The following ROBO1 variants were observed in gnomAD, a reference collection of about 807,000 sequenced individuals.
The protein encoded by ROBO1 is roundabout homolog 1.
A neutral mutation model predicts 195.9 loss-of-function variants in ROBO1; 149 were observed. The observed-to-expected ratio is 0.76, with a 90% confidence interval of 0.67 to 0.87. ROBO1 has a LOEUF of 0.87. Ranked by LOEUF, ROBO1 falls within the 40% of genes least tolerant of loss-of-function variation. The pLI is 0.00. For synonymous variants in ROBO1, 816 were observed against 733.2 expected, an observed-to-expected ratio of 1.11 and a Z score of -1.82; for missense variants, 1,933 against 2,068.3, an observed-to-expected ratio of 0.93 and a Z score of 1.27.
At chr3:79,450,114 GA>G (rs1376572484) in intron 2 of ROBO1, among the ~76,000 whole-genome samples, 3 of 131,856 alleles carry the variant, frequency 2.3e-5, no homozygotes, top group East Asian at 4.9e-4. Flanking sequence ...AGTTATTGGG[GA>G]AAAAAAATGA....
intron 1 of ROBO1, among the ~76,000 whole-genome samples, chr3:79,748,525 A>G (rs1560154055): frequency 6.6e-6 from 1 of 152,140 alleles, no homozygotes; most frequent in Non-Finnish European, 1.5e-5. Flanking sequence ...GAAATAAGAG[A>G]TATGTTACCA....
At chr3:79,463,746 T>G (rs11916189) in intron 2 of ROBO1, among the ~76,000 whole-genome samples, 1 of 152,206 alleles carries the variant, frequency 6.6e-6, no homozygotes, top group East Asian at 1.9e-4. Context: ...TTCAAATGTA[T>G]GATATAACAT....
At chr3:79,493,405 T>G (rs186543743) in intron 2 of ROBO1, among the ~76,000 whole-genome samples, 1 of 151,986 alleles carries the variant, frequency 6.6e-6, no homozygotes, top group Non-Finnish European at 1.5e-5. Context: ...AAATTAAAAA[T>G]GATTCATTTA....
intron 3 of ROBO1, among the ~76,000 whole-genome samples, chr3:79,068,329 A>G (rs2079035188): frequency 6.6e-6 from 1 of 151,900 alleles, no homozygotes; most frequent in African/African-American, 2.4e-5. Context: ...TGGATATTGC[A>G]GAAACATAGG....
intron 2 of ROBO1, among the ~76,000 whole-genome samples, chr3:79,433,627 C>T (rs1030437480): frequency 2.0e-5 from 3 of 152,020 alleles, no homozygotes; most frequent in Non-Finnish European, 2.9e-5. Flanking sequence ...CCATACTGCC[C>T]AAGGTAATTT....
intron 4 of ROBO1, among the ~76,000 whole-genome samples, chr3:78,801,845 T>TGATA (rs2084381667): frequency 6.6e-6 from 1 of 152,156 alleles, no homozygotes; most frequent in African/African-American, 2.4e-5. Flanking sequence ...TTTACAAATG[T>TGATA]GATATATAAG....
At chr3:79,041,034 G>A (rs779883418) in intron 3 of ROBO1, among the ~76,000 whole-genome samples, 53 of 151,876 alleles carry the variant, frequency 3.5e-4, no homozygotes, top group Non-Finnish European at 6.8e-4. Context: ...TCCCTACCCT[G>A]CCATTCCCTG....
chr3:78,797,251 G>A (rs748914521), intron 4 of ROBO1, among the ~76,000 whole-genome samples: 1 of 152,124 alleles, frequency 6.6e-6, no homozygotes, highest in Non-Finnish European at 1.5e-5. Flanking sequence ...TTGTTCATTG[G>A]TATATTCCTA....
chr3:79,063,598 C>T (rs1333654805), intron 3 of ROBO1, among the ~76,000 whole-genome samples: 3 of 151,198 alleles, frequency 2.0e-5, no homozygotes, highest in East Asian at 2.0e-4. Flanking sequence ...CCTCATTTTA[C>T]CTGGCCTTTG....
At chr3:78,939,569 G>A (rs1219150006) in intron 3 of ROBO1, among the ~76,000 whole-genome samples, 1 of 150,254 alleles carries the variant, frequency 6.7e-6, no homozygotes, top group Non-Finnish European at 1.5e-5. Flanking sequence ...AGTGAGCCGA[G>A]ATCGCGCCAC....
intron 2 of ROBO1, among the ~76,000 whole-genome samples, chr3:79,575,910 G>A (rs1329387554): frequency 6.6e-6 from 1 of 151,856 alleles, no homozygotes; most frequent in Non-Finnish European, 1.5e-5. Context: ...CACTGTTTGA[G>A]TAGAACCAAC....
intron 4 of ROBO1, among the ~76,000 whole-genome samples, chr3:78,816,178 T>A (rs2108651567): frequency 6.6e-6 from 1 of 152,260 alleles, no homozygotes; most frequent in Admixed American, 6.5e-5. Flanking sequence ...TTACCATTAA[T>A]AAAAATCCTA....
chr3:79,123,529 C>A (rs2080160237), intron 3 of ROBO1, among the ~76,000 whole-genome samples: 1 of 151,958 alleles, frequency 6.6e-6, no homozygotes, highest in East Asian at 1.9e-4. Context: ...GGTTAACATG[C>A]AAACAAAAGA....
intron 2 of ROBO1, among the ~76,000 whole-genome samples, chr3:79,452,255 A>G (rs949583157): frequency 2.6e-5 from 4 of 152,088 alleles, no homozygotes; most frequent in South Asian, 4.1e-4. Flanking sequence ...AAATAAATAC[A>G]AAGTTTTTTA....
At chr3:79,141,214 C>T (rs751068593) in intron 2 of ROBO1, among the ~76,000 whole-genome samples, 3 of 152,074 alleles carry the variant, frequency 2.0e-5, no homozygotes, top group African/African-American at 7.2e-5. Flanking sequence ...GTGACGACTG[C>T]GATTCCTCCC....
At chr3:79,457,786 C>T (rs976733941) in intron 2 of ROBO1, among the ~76,000 whole-genome samples, 1 of 152,160 alleles carries the variant, frequency 6.6e-6, no homozygotes, top group African/African-American at 2.4e-5. Flanking sequence ...GAGGCCTCCC[C>T]AGCCATGTGG....
At chr3:79,367,476 T>G (rs542104570) in intron 2 of ROBO1, among the ~76,000 whole-genome samples, 10 of 152,246 alleles carry the variant, frequency 6.6e-5, no homozygotes, top group Admixed American at 2.0e-4. Context: ...TATGCAAGAC[T>G]GAATTGGAAG....
chr3:79,002,156 C>A (rs770205904), intron 3 of ROBO1, among the ~76,000 whole-genome samples: 1 of 152,046 alleles, frequency 6.6e-6, no homozygotes, highest in Non-Finnish European at 1.5e-5. Context: ...TGACCATGAG[C>A]ACATGTGAAG....
chr3:78,822,337 G>T (rs555038327), intron 4 of ROBO1, among the ~76,000 whole-genome samples: 6 of 152,284 alleles, frequency 3.9e-5, no homozygotes, highest in African/African-American at 1.4e-4. Context: ...AAAATCTAGA[G>T]ATTCTGTTTC....
Sources: gnomAD v4.1 joint callset for allele counts (sites outside exome capture counted in the v4.1 genomes callset) on GRCh38, gnomAD v4.1.1 for gene constraint, MANE v1.5 for transcripts, NCBI Gene and HGNC (gene_info 2026-07-23, HGNC 2026-07-21) for gene names.